LSAMP: variants seen among roughly 807,000 people sequenced by gnomAD.
LSAMP encodes the protein limbic system-associated membrane protein.
Under a neutral mutation model 38.6 loss-of-function variants are expected in LSAMP, and 7 were observed. The ratio of observed to expected loss-of-function variants is 0.18; its 90% CI spans 0.10 to 0.34. LSAMP has a LOEUF of 0.34. LSAMP is among the 10% of genes least tolerant of loss of function. LSAMP has a pLI of 1.00. For missense variants in LSAMP, 313 were observed against 420.0 expected, an observed-to-expected ratio of 0.75 and a Z score of 2.23; for synonymous variants, 154 against 166.8, an observed-to-expected ratio of 0.92 and a Z score of 0.59.
At chr3:116,246,905 G>A (rs2046612394) in intron 1 of LSAMP, among the ~76,000 whole-genome samples, 2 of 152,108 alleles carry the variant, frequency 1.3e-5, no homozygotes, top group African/African-American at 4.8e-5. Context: ...GTGGGGTGGG[G>A]TGGGGTCGAG....
intron 2 of LSAMP, among the ~76,000 whole-genome samples, chr3:116,032,408 C>A (rs1023407110): frequency 7.2e-5 from 11 of 152,088 alleles, no homozygotes; most frequent in African/African-American, 2.7e-4. Flanking sequence ...GAGTTTCAGT[C>A]TCTTGACTGA....
chr3:116,324,711 T>C (rs529398806), intron 1 of LSAMP, among the ~76,000 whole-genome samples: 9 of 152,168 alleles, frequency 5.9e-5, no homozygotes, highest in Non-Finnish European at 1.3e-4. Flanking sequence ...CACTTTCTCA[T>C]GAGCTAAGAG....
intron 1 of LSAMP, among the ~76,000 whole-genome samples, chr3:116,113,574 C>T (rs1048778649): frequency 5.3e-5 from 8 of 149,788 alleles, no homozygotes; most frequent in African/African-American, 2.0e-4. Flanking sequence ...TACAGGCGCC[C>T]GCCACTACGC....
intron 3 of LSAMP, among the ~76,000 whole-genome samples, chr3:115,865,351 A>G (rs888939853): frequency 6.6e-6 from 1 of 152,194 alleles, no homozygotes; most frequent in Admixed American, 6.6e-5. Flanking sequence ...AGTCAAACAT[A>G]TTGTCTAACA....
chr3:115,821,564 G>A (rs1159599796), intron 6 of LSAMP, among the ~76,000 whole-genome samples: 2 of 152,150 alleles, frequency 1.3e-5, no homozygotes, highest in Non-Finnish European at 2.9e-5. Context: ...TTATCTCTAT[G>A]TGTGTGACAT....
intron 1 of LSAMP, among the ~76,000 whole-genome samples, chr3:116,163,723 T>C (rs894713605): frequency 2.0e-5 from 3 of 151,340 alleles, no homozygotes; most frequent in Admixed American, 6.6e-5. Flanking sequence ...TTTCTCCACA[T>C]CCTCTCCAAA....
At chr3:115,847,547 A>G (rs552785212) in intron 4 of LSAMP, among the ~76,000 whole-genome samples, 1 of 152,274 alleles carries the variant, frequency 6.6e-6, no homozygotes, top group Non-Finnish European at 1.5e-5. Flanking sequence ...TGTGATCTCC[A>G]TAATCCCCAC....
chr3:115,903,588 T>C (rs1197611834), intron 3 of LSAMP, among the ~76,000 whole-genome samples: 1 of 152,190 alleles, frequency 6.6e-6, no homozygotes, highest in Non-Finnish European at 1.5e-5. Context: ...GATGGAGATG[T>C]TTTATATCTT....
Position 116,086,568 on chromosome 3 carries a change from G to C in LSAMP, c.156-12C>G, listed in dbSNP as rs771374476. On this transcript the variant is annotated splice_polypyrimidine_tract_variant and intron_variant, in intron 1 of 6. Coordinates refer to ENST00000490035, the MANE Select transcript of LSAMP (RefSeq NM_002338.5). ...CTTCTACAACGCACCTGACAGAGCA[G>C]AGTAACAATATTAGTGCCTTAACAA... 4 of 1,605,096 alleles carry C rather than the reference G, an allele frequency of 2.5e-6. No homozygotes were observed. The highest frequency in any genetic ancestry group is 2.2e-5 in the East Asian group (1 of 44,846).
At chr3:116,333,654 C>T (rs1476512635) in intron 1 of LSAMP, among the ~76,000 whole-genome samples, 1 of 150,652 alleles carries the variant, frequency 6.6e-6, no homozygotes, top group Non-Finnish European at 1.5e-5. Context: ...TTAAATAACA[C>T]ACTCTTAAAT....
At chr3:116,092,078 T>C (rs1708136671) in intron 1 of LSAMP, among the ~76,000 whole-genome samples, 1 of 151,992 alleles carries the variant, frequency 6.6e-6, no homozygotes, top group South Asian at 2.1e-4. Context: ...TCACTGAGCC[T>C]AAATACCATG....
intron 1 of LSAMP, among the ~76,000 whole-genome samples, chr3:116,295,519 G>A (rs980576155): frequency 6.6e-6 from 1 of 152,220 alleles, no homozygotes; most frequent in Middle Eastern, 3.2e-3. Flanking sequence ...TATGTGGTCA[G>A]TCCCAAGGTC....
intron 1 of LSAMP, among the ~76,000 whole-genome samples, chr3:116,167,903 G>A (rs1431708797): frequency 2.0e-5 from 3 of 152,174 alleles, no homozygotes; most frequent in African/African-American, 7.2e-5. Context: ...GAGAAGCACT[G>A]GGCAAGGGGT....
intron 3 of LSAMP, among the ~76,000 whole-genome samples, chr3:115,881,119 A>ATCCT (rs1436783828): frequency 6.6e-6 from 1 of 152,086 alleles, no homozygotes; most frequent in Non-Finnish European, 1.5e-5. Context: ...AAGATCTGTC[A>ATCCT]TCCTTACACC....
intron 1 of LSAMP, among the ~76,000 whole-genome samples, chr3:116,389,351 T>G (rs1299147702): frequency 6.6e-6 from 1 of 152,138 alleles, no homozygotes; most frequent in African/African-American, 2.4e-5. Flanking sequence ...ACAGAAAAGA[T>G]GCTGTCTAAC....
intron 6 of LSAMP, among the ~76,000 whole-genome samples, chr3:115,825,906 A>C (rs1435889679): frequency 6.6e-6 from 1 of 152,146 alleles, no homozygotes; most frequent in Non-Finnish European, 1.5e-5. Context: ...CCACTGGTTT[A>C]TCATGTTTAT....
intron 1 of LSAMP, among the ~76,000 whole-genome samples, chr3:116,194,433 C>T (rs537991433): frequency 2.0e-5 from 3 of 152,230 alleles, no homozygotes; most frequent in Admixed American, 6.5e-5. Context: ...CTCGCTCTGT[C>T]GCCCAGGCTG....
In LSAMP at chr3:116,019,467, C is replaced by A. The variant is rs542016521; in HGVS notation, c.514+48G>T. The A allele has an allele frequency of 6.3e-6, 10 of 1,592,650 alleles. No homozygotes were observed. In the South Asian group the frequency reaches 8.9e-5, roughly 14 times the overall value. On this transcript the variant is annotated intron_variant, in intron 3 of 6. Coordinates refer to ENST00000490035, the MANE Select transcript of LSAMP (RefSeq NM_002338.5). ...TTCAGCAGAATTCCAGGAGCATGAG[C>A]ATATTTTAAACAGCATGTGGCATAT...
chr3:116,050,310 C>T (rs1281360350), intron 2 of LSAMP, among the ~76,000 whole-genome samples: 1 of 152,126 alleles, frequency 6.6e-6, no homozygotes, highest in Admixed American at 6.5e-5. Context: ...GTGTTAACAG[C>T]TTCCTGATGT....
Sources: gnomAD v4.1 joint callset for allele counts (sites outside exome capture counted in the v4.1 genomes callset) on GRCh38, gnomAD v4.1.1 for gene constraint, MANE v1.5 for transcripts, NCBI Gene and HGNC (gene_info 2026-07-23, HGNC 2026-07-21) for gene names.